The following ATP2A3 variants were observed in gnomAD, a reference collection of about 807,000 sequenced individuals.
ATP2A3 encodes ATPase sarcoplasmic/endoplasmic reticulum Ca2+ transporting 3, also known as sarcoplasmic/endoplasmic reticulum calcium ATPase 3.
ATP2A3 carries 61 observed loss-of-function variants against 106.8 expected under a neutral mutation model. The ratio of observed to expected loss-of-function variants is 0.57; its 90% CI spans 0.46 to 0.71. The LOEUF (loss-of-function observed/expected upper bound fraction) is 0.71, where lower values mean the gene tolerates loss of function less well. Ranked by LOEUF, ATP2A3 falls within the 30% of genes least tolerant of loss-of-function variation. The pLI is 0.00. For missense variants in ATP2A3, 1,201 were observed against 1,423.5 expected, an observed-to-expected ratio of 0.84 and a Z score of 2.52; for synonymous variants, 611 against 609.3, an observed-to-expected ratio of 1.00 and a Z score of -0.04.
chr17:3,937,297 G>T, intron 15 of ATP2A3, 119 bp downstream of exon 15: 1 of 1,222,416 alleles, frequency 8.2e-7, no homozygotes, highest in Non-Finnish European at 1.2e-6. Context: ...GAAAGCCCCA[G>T]CCAGGGCAGG....
In ATP2A3 at chr17:3,926,090, G is replaced by T. The variant is rs1354527698; in HGVS notation, c.2981-649C>A. ...AACTGCTCAGCCACACCTGGGCAGAGCCAGGAGGTGGGGTGAGAGGACCGC... is the reference window on the plus strand; with the variant it reads ...AACTGCTCAGCCACACCTGGGCAGATCCAGGAGGTGGGGTGAGAGGACCGC... On this transcript the variant is annotated intron_variant, in intron 20 of 20. Coordinates refer to ENST00000397041, the MANE Select transcript of ATP2A3 (RefSeq NM_005173.4). The surrounding 1 kb of genome is among the most constrained non-coding windows in gnomAD (Gnocchi z 4.6). Among the ~76,000 whole-genome samples, 1 of 151,634 alleles carries T rather than the reference G, an allele frequency of 6.6e-6. No homozygotes were observed. Among genetic ancestry groups the T allele is most frequent in the Non-Finnish European group, 1.5e-5 (1 of 67,908 alleles).
In ATP2A3 at chr17:3,953,845, A is replaced by T. The variant is rs949229433; in HGVS notation, c.119-135T>A. 1 of 973,682 alleles carries T rather than the reference A, an allele frequency of 1.0e-6. No individual in the cohort carries two copies. The highest frequency in any genetic ancestry group is 1.6e-6 in the Non-Finnish European group (1 of 623,660). 60.3% of individuals were successfully genotyped at this position (973,682 alleles called of 1,614,324 possible). On this transcript the variant is annotated intron_variant, in intron 1 of 20. Transcript: ENST00000397041. The surrounding 1 kb of genome is among the most constrained non-coding windows in gnomAD (Gnocchi z 5.1). ...CCCACCACGGACTGGATGTATCCCC[A>T]GGGCTCTCTGAGGCCACAGGATAAA...
chr17:3,950,390 C>T, intron 7 of ATP2A3, 121 bp downstream of exon 7: 1 of 1,015,812 alleles, frequency 9.8e-7, no homozygotes, highest in South Asian at 1.3e-5. Context: ...TCTCGAACTC[C>T]TGACCTCAGG....
chr17:3,940,755 G>A (rs923727312), intron 14 of ATP2A3, among the ~76,000 whole-genome samples: 3 of 152,144 alleles, frequency 2.0e-5, no homozygotes, highest in Non-Finnish European at 4.4e-5. Context: ...TGATCCGCCC[G>A]CCTCAGCCTC....
At position 3,953,311 on chromosome 17, in the gene ATP2A3, C is replaced by T. The variant is rs959000788; in HGVS notation, c.219+36G>A. 1.4e-5 allele frequency: 22 copies of T among 1,607,118 alleles called. No homozygotes were observed. The highest frequency in any genetic ancestry group is 2.2e-5 in the South Asian group (2 of 90,906). On this transcript the variant is annotated intron_variant, in intron 3 of 20. Coordinates refer to ENST00000397041, the MANE Select transcript of ATP2A3 (RefSeq NM_005173.4). The surrounding 1 kb of genome is among the most constrained non-coding windows in gnomAD (Gnocchi z 5.1). ...AGCCTGGCTCTCCCTCCAGGGCTAC[C>T]GACTACCACAGGATGGCTGGCAGGG...
At chr17:3,956,236 C>T (rs528787890) in intron 1 of ATP2A3, among the ~76,000 whole-genome samples, 3 of 152,168 alleles carry the variant, frequency 2.0e-5, no homozygotes, top group Non-Finnish European at 2.9e-5. Context: ...TGCTCTCTGA[C>T]CCACCCTGAC....
chr17:3,962,065 C>T (rs1006298320), intron 1 of ATP2A3, among the ~76,000 whole-genome samples: 6 of 152,186 alleles, frequency 3.9e-5, no homozygotes, highest in Admixed American at 1.3e-4. Context: ...CAGCCCCAAT[C>T]AGTGATCTGA....
chr17:3,936,491 T>C lies in ATP2A3; in HGVS notation c.2322-22A>G. The C allele has an allele frequency of 6.2e-7, 1 of 1,611,164 alleles. No homozygotes were observed. The highest frequency in any genetic ancestry group is 1.1e-5 in the South Asian group (1 of 90,988). ...GATGCTGGAACAGAGTCATGAGCTCTAGCCCCGGTAGGCCTAGCCCCCGGC... is the reference window on the plus strand; with the variant it reads ...GATGCTGGAACAGAGTCATGAGCTCCAGCCCCGGTAGGCCTAGCCCCCGGC... On this transcript the variant is annotated intron_variant, in intron 15 of 20. Coordinates refer to ENST00000397041, the MANE Select transcript of ATP2A3 (RefSeq NM_005173.4). This position sits in a 1 kb window ranked among gnomAD's most constrained non-coding sequence, Gnocchi z 5.4.
chr17:3,953,480 C>T lies in ATP2A3; in HGVS notation c.137-51G>A, dbSNP rs1213648404. On this transcript the variant is annotated intron_variant, in intron 2 of 20. Transcript: ENST00000397041. The surrounding 1 kb of genome is among the most constrained non-coding windows in gnomAD (Gnocchi z 5.1). ...CTGGGCCCCCACCACTGACCCTGCC[C>T]ACTCAGAGCTGGGATGGCCCGGGAG... 13 of 1,594,850 alleles carry T rather than the reference C, an allele frequency of 8.2e-6. No individual in the cohort carries two copies. The highest frequency in any genetic ancestry group is 8.6e-6 in the Non-Finnish European group (10 of 1,163,152).
In ATP2A3 at chr17:3,953,240, G is replaced by A; in HGVS notation, c.219+107C>T. 1 of 1,273,888 alleles carries A rather than the reference G, an allele frequency of 7.8e-7. No individual in the cohort carries two copies. The highest frequency in any genetic ancestry group is 1.1e-6 in the Non-Finnish European group (1 of 872,358). 78.9% of individuals were successfully genotyped at this position (1,273,888 alleles called of 1,614,324 possible). A position where few individuals can be genotyped will look rare whatever the true frequency, so the allele number is the denominator to read the frequency against. ...CAGGGAAGGCCAGGGCGCAGGCCCA[G>A]GGTGTGGAGGACAGGCCCAGGCTCC... is the stretch of plus-strand genomic sequence containing the variant. On this transcript the variant is annotated intron_variant, in intron 3 of 20. Transcript: ENST00000397041. This position sits in a 1 kb window ranked among gnomAD's most constrained non-coding sequence, Gnocchi z 5.1.
At chr17:3,937,727 G>A in intron 14 of ATP2A3, 91 bp from the exon 15 acceptor site, 2 of 1,308,066 alleles carry the variant, frequency 1.5e-6, no homozygotes, top group Non-Finnish European at 1.1e-6. Context: ...AATCTTAGGG[G>A]ATGTTCCAAA....
intron 12 of ATP2A3, among the ~76,000 whole-genome samples, chr17:3,942,209 T>C (rs1056320930): frequency 1.2e-4 from 18 of 152,200 alleles, no homozygotes; most frequent in Non-Finnish European, 2.4e-4. Context: ...TGGCTTCTCC[T>C]GCTCCTAAAA....
chr17:3,939,630 T>TA (rs1447806272), intron 14 of ATP2A3, among the ~76,000 whole-genome samples: 1 of 150,660 alleles, frequency 6.6e-6, no homozygotes, highest in Non-Finnish European at 1.5e-5. Flanking sequence ...CTACTAAAAA[T>TA]AAAAAAATTA....
intron 1 of ATP2A3, among the ~76,000 whole-genome samples, chr17:3,956,416 TAGG>T (rs1481317185): frequency 2.0e-5 from 3 of 152,240 alleles, no homozygotes; most frequent in Middle Eastern, 6.8e-3. Context: ...GGGGACTTTC[TAGG>T]AGGTCACTGT....
At chr17:3,944,234 A>G (rs2053953836) in intron 10 of ATP2A3, among the ~76,000 whole-genome samples, 1 of 152,050 alleles carries the variant, frequency 6.6e-6, no homozygotes, top group Non-Finnish European at 1.5e-5. Context: ...TCCTGCTCAA[A>G]ACTCTTCGTT....
Position 3,926,883 on chromosome 17 carries a change from C to A in ATP2A3, c.2981-1442G>T, listed in dbSNP as rs1212143252. 2.0e-6 allele frequency: 2 copies of A among 985,312 alleles called. No homozygotes were observed. The highest frequency in any genetic ancestry group is 3.5e-5 in the African/African-American group (2 of 57,220). The allele number at this position is 985,312 out of a possible 1,614,324, so 61.0% of individuals were successfully genotyped here. ...TGCACCCGGCCCGTTAGTCTCACCC[C>A]CTCTTGCCTGTCCTCCATGGTTGAC... On this transcript the variant is annotated intron_variant, in intron 20 of 20. Transcript: ENST00000397041. The surrounding 1 kb of genome is among the most constrained non-coding windows in gnomAD (Gnocchi z 4.6).
At chr17:3,927,102 C>T in intron 20 of ATP2A3, 1 of 985,446 alleles carries the variant, frequency 1.0e-6, no homozygotes, top group Non-Finnish European at 1.2e-6. Flanking sequence ...CCAACCACTG[C>T]TTTAACCTCA....
At chr17:3,927,120 G>A (rs983686576) in intron 20 of ATP2A3, 93 of 985,220 alleles carry the variant, frequency 9.4e-5, no homozygotes, top group East Asian at 1.1e-4. Context: ...TCAAAGCCTG[G>A]AGAAACTCCC....
intron 20 of ATP2A3, chr17:3,927,259 T>C (rs2052759244): frequency 1.0e-6 from 1 of 985,492 alleles, no homozygotes; most frequent in Non-Finnish European, 1.2e-6. Flanking sequence ...GAAAGGCATC[T>C]GAGACACAGG....
Sources: gnomAD v4.1 joint callset for allele counts (sites outside exome capture counted in the v4.1 genomes callset) on GRCh38, gnomAD v4.1.1 for gene constraint, Gnocchi (gnomAD v3.1) non-coding constraint, MANE v1.5 for transcripts, NCBI Gene and HGNC (gene_info 2026-07-23, HGNC 2026-07-21) for gene names.